Variants in RTN4RL2 observed in about 807,000 individuals in gnomAD.
RTN4RL2 encodes reticulon-4 receptor-like 2.
RTN4RL2 carries 9 observed loss-of-function variants against 27.8 expected under a neutral mutation model. That is an observed-to-expected ratio of 0.32 (90% CI 0.20 to 0.57). The LOEUF is 0.57. RTN4RL2 is among the 20% of genes least tolerant of loss of function. The probability of loss-of-function intolerance (pLI) is 0.90; values close to 1 mark genes in which losing one functional copy is unlikely to be tolerated. For synonymous variants in RTN4RL2, 285 were observed against 297.9 expected (o/e 0.96, Z 0.45); for missense variants, 436 against 596.8 (o/e 0.73, Z 2.81).
chr11:57,465,429 C>G (rs550981279), intron 1 of RTN4RL2, among the ~76,000 whole-genome samples: 4 of 152,362 alleles, frequency 2.6e-5, no homozygotes, highest in Admixed American at 2.6e-4. Flanking sequence ...CCCAGGGTCT[C>G]TGAACCCCAA....
In RTN4RL2 at chr11:57,460,762, C is replaced by G; in HGVS notation, c.-104C>G. The stretch of plus-strand genomic sequence containing the variant: ...GCCACGCAGCCCGGGGACTCCCGGG[C>G]CCTCCCGGAGCCCCGCGGGGTCCCC... On this transcript the variant is annotated 5_prime_UTR_variant, in exon 1 of 3. Transcript: ENST00000335099. 1.9e-6 allele frequency: 1 copy of G among 521,768 alleles called. No individual in the cohort carries two copies. Among genetic ancestry groups the G allele is most frequent in the East Asian group, 3.6e-5 (1 of 27,736 alleles). The allele number at this position is 521,768 out of a possible 1,614,324, so 32.3% of individuals were successfully genotyped here.
intron 2 of RTN4RL2, among the ~76,000 whole-genome samples, chr11:57,474,585 GCCCT>G (rs1164317243): frequency 6.6e-6 from 1 of 152,190 alleles, no homozygotes; most frequent in Non-Finnish European, 1.5e-5. Flanking sequence ...CCACAGTGAT[GCCCT>G]GCACAAGAGG....
At position 57,476,556 on chromosome 11, in the gene RTN4RL2, G is replaced by A. The variant is rs762413868; in HGVS notation, c.908G>A (p.Arg303His). 2.9e-6 allele frequency: 4 copies of A among 1,399,856 alleles called. No homozygotes were observed. In the South Asian group the frequency reaches 4.7e-5, roughly 17 times the overall value. The allele number at this position is 1,399,856 out of a possible 1,614,324, so 86.7% of individuals were successfully genotyped here. Residue 303 changes from arginine (R) to histidine (H), a missense_variant, in exon 3 of 3, where the codon CGC becomes CAC. This residue lies in a region of RTN4RL2 where 365 missense variants were observed against 530.5 expected (regional missense o/e 0.69). Coordinates refer to ENST00000335099, the MANE Select transcript of RTN4RL2 (RefSeq NM_178570.3). The surrounding 1 kb of genome is among the most constrained non-coding windows in gnomAD (Gnocchi z 8.2). ...CAGGGCCGAGACCTGCGCGCGCTCC[G>A]CGAGGCCGACTTCCAGGCGTGTCCG... ...ERQGRDLRAL[R>H]EADFQACPPA... is the part of the protein sequence containing the mutation.
At chr11:57,470,401 C>G (rs577614055) in intron 2 of RTN4RL2, among the ~76,000 whole-genome samples, 9 of 152,254 alleles carry the variant, frequency 5.9e-5, no homozygotes, top group Admixed American at 5.9e-4. Flanking sequence ...GCATGTGTCA[C>G]TACACCCAGC....
intron 1 of RTN4RL2, among the ~76,000 whole-genome samples, chr11:57,462,524 G>A (rs1565113678): frequency 6.6e-6 from 1 of 152,154 alleles, no homozygotes; most frequent in African/African-American, 2.4e-5. Flanking sequence ...CTGCACCAGC[G>A]ACTCTGCCCT....
At position 57,476,143 on chromosome 11, in the gene RTN4RL2, C is replaced by A; in HGVS notation, c.514-19C>A. On this transcript the variant is annotated intron_variant, in intron 2 of 2. Transcript: ENST00000335099. The surrounding 1 kb of genome is among the most constrained non-coding windows in gnomAD (Gnocchi z 8.2). The stretch of plus-strand genomic sequence containing the variant: ...TCAGGCCCATTCTCTTCTTCTGTGC[C>A]CCACTCCACCCCACCCAGGATGACT... The A allele has an allele frequency of 6.3e-7, 1 of 1,588,504 alleles. No homozygotes were observed. Among genetic ancestry groups the A allele is most frequent in the South Asian group, 1.2e-5 (1 of 86,692 alleles).
intron 1 of RTN4RL2, among the ~76,000 whole-genome samples, chr11:57,466,626 G>A (rs916038229): frequency 3.8e-4 from 58 of 152,212 alleles, no homozygotes; most frequent in Non-Finnish European, 6.8e-4. Flanking sequence ...GGCCCCTCCC[G>A]GCACAAAGAG....
rs1943598138 is a variant in RTN4RL2, at chr11:57,476,613, C to G, written c.965C>G (p.Ala322Gly). ...GCACCCACGCGGCCGGGCAGCCGCG[C>G]CCGCGGCAACAGCTCCTCCAACCAC... is the stretch of plus-strand genomic sequence containing the variant. The part of the protein sequence containing the change: ...PAAPTRPGSR[A>G]RGNSSSNHLY... Residue 322 changes from alanine to glycine, a missense_variant, in exon 3 of 3, where the codon GCC (alanine) becomes GGC (glycine). By Grantham distance (60) the Ala-to-Gly change is moderately conservative (BLOSUM62 0). This residue lies in a region of RTN4RL2 where 365 missense variants were observed against 530.5 expected (regional missense o/e 0.69). Transcript: ENST00000335099. The surrounding 1 kb of genome is among the most constrained non-coding windows in gnomAD (Gnocchi z 8.2). 3 of 1,410,010 alleles carry G rather than the reference C, an allele frequency of 2.1e-6. No homozygotes were observed. The highest frequency in any genetic ancestry group is 3.0e-5 in the African/African-American group (2 of 67,188). 87.3% of individuals were successfully genotyped at this position (1,410,010 alleles called of 1,614,324 possible).
intron 2 of RTN4RL2, among the ~76,000 whole-genome samples, chr11:57,469,322 ATTATTC>A (rs1259066202): frequency 1.5e-4 from 23 of 152,276 alleles, no homozygotes; most frequent in African/African-American, 5.1e-4. Flanking sequence ...TATGTCTTAT[ATTATTC>A]TTATTGTTGC....
At chr11:57,468,209 A>G (rs1943540543) in intron 2 of RTN4RL2, 119 bp downstream of exon 2, 1 of 1,051,234 alleles carries the variant, frequency 9.5e-7, no homozygotes, top group African/African-American at 1.6e-5. Flanking sequence ...TTCCTGCCTC[A>G]GCATCTCCAT....
intron 1 of RTN4RL2, among the ~76,000 whole-genome samples, chr11:57,466,050 G>A (rs1333740097): frequency 6.9e-6 from 1 of 145,130 alleles, no homozygotes; most frequent in Non-Finnish European, 1.5e-5. Flanking sequence ...ACCCAGGCTG[G>A]AGTGCAGTGG....
chr11:57,476,112 C>G lies in RTN4RL2; in HGVS notation c.514-50C>G, dbSNP rs1304743022. ...GCCAAGGCCCCAGCGGGGTCTGCAC[C>G]CTACCTCAGGCCCATTCTCTTCTTC... On this transcript the variant is annotated intron_variant, in intron 2 of 2. Transcript: ENST00000335099. This position sits in a 1 kb window ranked among gnomAD's most constrained non-coding sequence, Gnocchi z 8.2. 1.3e-6 allele frequency: 2 copies of G among 1,552,096 alleles called. No individual in the cohort carries two copies. Among genetic ancestry groups the G allele is most frequent in the East Asian group, 4.5e-5 (2 of 43,978 alleles).
chr11:57,467,573 A>G lies in RTN4RL2; in HGVS notation c.32-36A>G. 1 of 1,564,028 alleles carries G rather than the reference A, an allele frequency of 6.4e-7. No individual in the cohort carries two copies. The highest frequency in any genetic ancestry group is 8.7e-7 in the Non-Finnish European group (1 of 1,155,398). ...CCCCAGCTGGCACTCCTGCCCTGGAAGCCCACCTAGTAAGTTCTGCTTCCC... is the reference window on the plus strand; with the variant it reads ...CCCCAGCTGGCACTCCTGCCCTGGAGGCCCACCTAGTAAGTTCTGCTTCCC... On this transcript the variant is annotated intron_variant, in intron 1 of 2. Coordinates refer to ENST00000335099, the MANE Select transcript of RTN4RL2 (RefSeq NM_178570.3). The surrounding 1 kb of genome is among the most constrained non-coding windows in gnomAD (Gnocchi z 5.5).
chr11:57,476,939 T>A lies in RTN4RL2; in HGVS notation c.*28T>A, dbSNP rs1417557821. The A allele has an allele frequency of 2.0e-6, 3 of 1,524,068 alleles. No homozygotes were observed. Among genetic ancestry groups the A allele is most frequent in the Non-Finnish European group, 2.6e-6 (3 of 1,146,190 alleles). 94.4% of individuals were successfully genotyped at this position (1,524,068 alleles called of 1,614,324 possible). A position where few individuals can be genotyped will look rare whatever the true frequency, so the allele number is the denominator to read the frequency against. On this transcript the variant is annotated 3_prime_UTR_variant, in exon 3 of 3. Transcript: ENST00000335099. This position sits in a 1 kb window ranked among gnomAD's most constrained non-coding sequence, Gnocchi z 8.2. ...GCGGTGCTGAGATCGAAGAGGCCAG[T>A]GTCCGATCCCCGCTTCCCGTCCACC...
At position 57,460,719 on chromosome 11, in the gene RTN4RL2, G is replaced by A. The variant is rs1943476504; in HGVS notation, c.-147G>A. 8.1e-6 allele frequency: 3 copies of A among 368,212 alleles called. No individual in the cohort carries two copies. The highest frequency in any genetic ancestry group is 9.9e-5 in the South Asian group (1 of 10,108). 22.8% of individuals were successfully genotyped at this position (368,212 alleles called of 1,614,324 possible). ...AGGCCCGCAGCCCGGGCGGCGCAGG[G>A]TAGAGCGCCGCGGCCCGGCCACGCA... On this transcript the variant is annotated 5_prime_UTR_variant, in exon 1 of 3. Coordinates refer to ENST00000335099, the MANE Select transcript of RTN4RL2 (RefSeq NM_178570.3).
intron 2 of RTN4RL2, among the ~76,000 whole-genome samples, chr11:57,474,704 G>A (rs941648115): frequency 3.9e-5 from 6 of 152,198 alleles, no homozygotes; most frequent in Admixed American, 2.0e-4. Context: ...AAAGTGAGCT[G>A]GGCTGATGGG....
At chr11:57,466,505 C>G (rs376545538) in intron 1 of RTN4RL2, among the ~76,000 whole-genome samples, 1 of 152,186 alleles carries the variant, frequency 6.6e-6, no homozygotes, top group Non-Finnish European at 1.5e-5. Context: ...TAAGTAACTG[C>G]GAATGAGGAG....
intron 2 of RTN4RL2, among the ~76,000 whole-genome samples, chr11:57,474,245 G>A (rs923028732): frequency 5.9e-5 from 9 of 152,184 alleles, no homozygotes; most frequent in African/African-American, 1.9e-4. Flanking sequence ...CAGCCGAGAA[G>A]GTTGAGGGGG....
At chr11:57,475,564 T>G (rs1428550231) in intron 2 of RTN4RL2, among the ~76,000 whole-genome samples, 1 of 150,956 alleles carries the variant, frequency 6.6e-6, no homozygotes, top group Non-Finnish European at 1.5e-5. Context: ...AAAAAAAGAA[T>G]AATGGCTAAC....
Sources: gnomAD v4.1 joint callset for allele counts (sites outside exome capture counted in the v4.1 genomes callset) on GRCh38, gnomAD v4.1.1 for gene constraint, gnomAD v4.1.1 regional missense constraint, Gnocchi (gnomAD v3.1) non-coding constraint, MANE v1.5 for transcripts, NCBI Gene and HGNC (gene_info 2026-07-23, HGNC 2026-07-21) for gene names.